Variants in DNAH6 observed in about 807,000 individuals in gnomAD.
The protein encoded by DNAH6 is axonemal beta dynein heavy chain 6.
A neutral mutation model predicts 491.4 loss-of-function variants in DNAH6; 340 were observed. The ratio of observed to expected loss-of-function variants is 0.69; its 90% CI spans 0.63 to 0.76. DNAH6 has a LOEUF of 0.76. Among genes scored for constraint, DNAH6 ranks in the 30% least tolerant of loss-of-function variants. The pLI is 0.00. For synonymous variants in DNAH6, 1,603 were observed against 1,686.1 expected (o/e 0.95, Z 1.21); for missense variants, 4,443 against 4,972.2 (o/e 0.89, Z 3.20).
chr2:84,473,369 C>T, the DNAH6 span, among the ~76,000 whole-genome samples: 2 of 152,112 alleles, frequency 1.3e-5, no homozygotes, highest in Admixed American at 6.5e-5. Flanking sequence ...ACAGAGTGAA[C>T]GTTTTAGTCG....
chr2:84,634,382 A>G (rs968082549), intron 29 of DNAH6, 122 bp from the exon 30 acceptor site: 21 of 1,056,276 alleles, frequency 2.0e-5, no homozygotes, highest in Non-Finnish European at 2.7e-5. Context: ...CAGTATTCAC[A>G]TAAAACTATT....
At chr2:84,762,700 TA>T in intron 63 of DNAH6, 54 bp from the exon 64 acceptor site, 1 of 1,337,150 alleles carries the variant, frequency 7.5e-7, no homozygotes, top group Non-Finnish European at 1.0e-6. Context: ...AAAATTAGGA[TA>T]AAATTATGAA....
chr2:84,701,008 A>G, intron 48 of DNAH6, 89 bp from the exon 49 acceptor site: 2 of 1,420,748 alleles, frequency 1.4e-6, no homozygotes, highest in Non-Finnish European at 1.9e-6. Context: ...GGCAGGGAGG[A>G]GTTCCCGAGA....
At chr2:84,595,571 GT>G (rs1338857547) in intron 17 of DNAH6, 74 bp from the exon 18 acceptor site, 19 of 1,318,114 alleles carry the variant, frequency 1.4e-5, no homozygotes, top group Admixed American at 3.0e-5. Flanking sequence ...ACTTTTAAAA[GT>G]TTTTTTAGTA....
At chr2:84,553,628 A>ATTTTTTTTTTTTTTTT (rs748931607) in intron 10 of DNAH6, among the ~76,000 whole-genome samples, 2 of 90,998 alleles carry the variant, frequency 2.2e-5, no homozygotes, top group Non-Finnish European at 1.9e-5. Flanking sequence ...AGGACTGGCT[A>ATTTTTTTTTTTTTTTT]TTTTTTTTTT....
At chr2:84,738,618 T>C (rs2105011757) in intron 62 of DNAH6, among the ~76,000 whole-genome samples, 1 of 152,138 alleles carries the variant, frequency 6.6e-6, no homozygotes, top group East Asian at 1.9e-4. Flanking sequence ...TCCTTTTTTA[T>C]TTTTGTTGGT....
chr2:84,637,951 C>T (rs971794287), intron 31 of DNAH6, among the ~76,000 whole-genome samples: 5 of 151,850 alleles, frequency 3.3e-5, no homozygotes, highest in Non-Finnish European at 7.4e-5. Context: ...TGTATTTGGC[C>T]AAGCACAGTG....
At chr2:84,695,995 T>C (rs1367210142) in intron 46 of DNAH6, among the ~76,000 whole-genome samples, 1 of 151,988 alleles carries the variant, frequency 6.6e-6, no homozygotes, top group Non-Finnish European at 1.5e-5. Context: ...TGCATGTGTC[T>C]ATACATGAAC....
Position 84,607,036 on chromosome 2 carries a change from C to G in DNAH6, c.3235C>G (p.Pro1079Ala). The change falls in exon 21 of 77, where the codon CCA (proline) becomes GCA (alanine). Residue 1079 changes from proline to alanine, a missense_variant. Pro to Ala is a conservative substitution (Grantham distance 27). Transcript: ENST00000389394. ...ATLASSRYLG[P>A]LKTRVDEWQK... is the part of the protein sequence containing the mutation. ...TCTTGCCTCATCACGTTACCTTGGT[C>G]CACTGAAAACTCGAGTGGATGAATG... 6.4e-7 allele frequency: 1 copy of G among 1,551,288 alleles called. No homozygotes were observed. Among genetic ancestry groups the G allele is most frequent in the South Asian group, 1.2e-5 (1 of 84,022 alleles).
intron 37 of DNAH6, among the ~76,000 whole-genome samples, chr2:84,669,011 G>A (rs186803277): frequency 9.9e-4 from 151 of 152,264 alleles, no homozygotes; most frequent in Non-Finnish European, 1.8e-3. Context: ...TTGGCATGGC[G>A]TAAGCCCTGT....
intron 62 of DNAH6, among the ~76,000 whole-genome samples, chr2:84,742,834 A>G (rs191109214): frequency 6.6e-6 from 1 of 152,106 alleles, no homozygotes; most frequent in African/African-American, 2.4e-5. Context: ...ATGAATATTT[A>G]TTTAACTAAG....
At position 84,624,479 on chromosome 2, in the gene DNAH6, A is replaced by C. The variant is rs201374146; in HGVS notation, c.4212A>C (p.Glu1404Asp). Residue 1404 changes from glutamate (E) to aspartate (D), a missense_variant, in exon 28 of 77, where the codon GAA (glutamate) becomes GAC (aspartate). Glu to Asp is a conservative substitution (Grantham distance 45). Coordinates refer to ENST00000389394, the MANE Select transcript of DNAH6 (RefSeq NM_001370.2). ...ELVQSKVETV[E>D]SFDWQRQLRY... ...ATCACATATAGGTGGAGACAGTTGAATCTTTTGACTGGCAGAGACAACTGC... is the reference window on the plus strand; with the variant it reads ...ATCACATATAGGTGGAGACAGTTGACTCTTTTGACTGGCAGAGACAACTGC... The C allele has an allele frequency of 3.7e-5, 57 of 1,551,698 alleles. No individual in the cohort carries two copies. Among genetic ancestry groups the C allele is most frequent in the Non-Finnish European group, 4.4e-5 (51 of 1,146,984 alleles).
intron 4 of DNAH6, among the ~76,000 whole-genome samples, chr2:84,537,741 T>C (rs1160364589): frequency 2.0e-5 from 3 of 152,078 alleles, no homozygotes. Context: ...CCCTAGTAGA[T>C]GGTAGGTGTT....
At chr2:84,740,003 C>T (rs1418927867) in intron 62 of DNAH6, among the ~76,000 whole-genome samples, 3 of 151,640 alleles carry the variant, frequency 2.0e-5, no homozygotes, top group Non-Finnish European at 2.9e-5. Context: ...TCTGAGAGAG[C>T]TGATACTTCT....
chr2:84,616,170 T>C (rs1374646589), intron 22 of DNAH6, among the ~76,000 whole-genome samples: 1 of 152,134 alleles, frequency 6.6e-6, no homozygotes, highest in Non-Finnish European at 1.5e-5. Context: ...ATTTGTTGGA[T>C]AGAATGTTCT....
chr2:84,761,789 TACACACACACAC>T (rs35707461), intron 63 of DNAH6, among the ~76,000 whole-genome samples: 1 of 141,782 alleles, frequency 7.1e-6, no homozygotes, highest in Non-Finnish European at 1.5e-5. Context: ...CACACACACA[TACACACACACAC>T]ACACACACAC....
chr2:84,580,942 T>C (rs1390915949), intron 14 of DNAH6, among the ~76,000 whole-genome samples: 2 of 152,182 alleles, frequency 1.3e-5, no homozygotes, highest in African/African-American at 4.8e-5. Flanking sequence ...TCTGCATCTC[T>C]CTGAGGGTCT....
intron 61 of DNAH6, among the ~76,000 whole-genome samples, chr2:84,732,938 T>C (rs1356820639): frequency 1.3e-5 from 2 of 152,252 alleles, no homozygotes; most frequent in African/African-American, 4.8e-5. Flanking sequence ...TATTGCCAGA[T>C]GGCATAACAC....
chr2:84,460,342 C>A, the DNAH6 span, among the ~76,000 whole-genome samples: 1 of 152,204 alleles, frequency 6.6e-6, no homozygotes, highest in South Asian at 2.1e-4. Flanking sequence ...CTTGTGATAA[C>A]TAAATTCCTC....
Sources: allele counts gnomAD v4.1 joint callset (sites outside exome capture counted in the v4.1 genomes callset), GRCh38; gene constraint gnomAD v4.1.1; transcripts MANE v1.5; gene names NCBI Gene and HGNC (gene_info 2026-07-23, HGNC 2026-07-21).